Variants in SFXN5 observed in about 807,000 individuals in gnomAD.
SFXN5 encodes sideroflexin 5.
SFXN5 carries 43 observed loss-of-function variants against 50.2 expected under a neutral mutation model. The observed-to-expected ratio is 0.86, with a 90% CI of 0.67 to 1.11. SFXN5 has a LOEUF of 1.11. Ranked by LOEUF, SFXN5 falls within the 50% of genes least tolerant of loss-of-function variation. SFXN5 has a pLI of 0.00. For synonymous variants in SFXN5, 203 were observed against 185.8 expected (o/e 1.09, Z -0.75); for missense variants, 463 against 454.1 (o/e 1.02, Z -0.18).
In SFXN5 at chr2:73,023,267, A is replaced by G. The variant is rs72920429; in HGVS notation, c.250-53T>C. 0.018 allele frequency: 27,159 copies of G among 1,533,906 alleles called. 1,680 individuals carry two copies. In the African/African-American group the frequency reaches 0.21, roughly 12 times the overall value. On this transcript the variant is annotated intron_variant, in intron 3 of 13. Transcript: ENST00000272433. ...TAAAGAACAAAAATTAAAAGCATAT[A>G]TCGGTTTAAGGCTTCCAACCCATGT...
chr2:73,005,501 C>T (rs62147726), intron 6 of SFXN5, among the ~76,000 whole-genome samples: 22,679 of 152,182 alleles, frequency 0.15, 1,988 homozygotes, highest in East Asian at 0.36. Flanking sequence ...CAGTACCTCT[C>T]AGGATGGTTA....
chr2:72,950,454 G>A lies in SFXN5; in HGVS notation c.946-5355C>T, dbSNP rs1672411238. On this transcript the variant is annotated intron_variant, in intron 13 of 13. Transcript: ENST00000272433. The surrounding 1 kb of genome is among the most constrained non-coding windows in gnomAD (Gnocchi z 4.2). ...AGGACCCCTCCAGCTCTCTGGCCAT[G>A]GCCAGGTGTTGGGTCAGTGGCCACC... Among the ~76,000 whole-genome samples the A allele has an allele frequency of 6.6e-6, 1 of 152,206 alleles. No individual in the cohort carries two copies. Among genetic ancestry groups the A allele is most frequent in the Admixed American group, 6.5e-5 (1 of 15,290 alleles).
At chr2:72,990,155 G>A (rs1190733878) in intron 9 of SFXN5, among the ~76,000 whole-genome samples, 11 of 152,250 alleles carry the variant, frequency 7.2e-5, no homozygotes, top group Non-Finnish European at 1.3e-4. Context: ...CCGGGGCAGC[G>A]CAGCATTCCG....
At chr2:73,042,932 G>C (rs935929727) in intron 2 of SFXN5, among the ~76,000 whole-genome samples, 1 of 152,158 alleles carries the variant, frequency 6.6e-6, no homozygotes, top group African/African-American at 2.4e-5. Context: ...GCCAGGTGTG[G>C]TGGTGGGTGC....
intron 12 of SFXN5, among the ~76,000 whole-genome samples, chr2:72,962,555 T>C (rs1471008658): frequency 1.3e-5 from 2 of 152,200 alleles, no homozygotes; most frequent in African/African-American, 4.8e-5. Flanking sequence ...GAAATGTGCA[T>C]TTTAACCCTC....
intron 10 of SFXN5, among the ~76,000 whole-genome samples, chr2:72,977,025 C>T (rs369816321): frequency 6.6e-6 from 1 of 152,192 alleles, no homozygotes; most frequent in Non-Finnish European, 1.5e-5. Flanking sequence ...TAGGAAGAGG[C>T]ATGTGACCCG....
chr2:72,998,772 T>C, intron 9 of SFXN5, 177 bp downstream of exon 9: 1 of 641,004 alleles, frequency 1.6e-6, no homozygotes, highest in Admixed American at 2.8e-5. Context: ...CAGGTTGTGC[T>C]CTGTCTACTG....
In SFXN5 at chr2:73,000,429, A is replaced by C. The variant is rs1436079490; in HGVS notation, c.468+2T>G. On this transcript the variant is annotated splice_donor_variant, in intron 8 of 13. Coordinates refer to ENST00000272433, the MANE Select transcript of SFXN5 (RefSeq NM_144579.3). LOFTEE classifies it high-confidence loss of function. ...CACTGGGGAGAGGGCAGTGATGCTCACCTTGGTCGCATTGCGGTTTGCATA... is the reference window on the plus strand; with the variant it reads ...CACTGGGGAGAGGGCAGTGATGCTCCCCTTGGTCGCATTGCGGTTTGCATA... The C allele has an allele frequency of 6.4e-7, 1 of 1,556,482 alleles. No homozygotes were observed. The highest frequency in any genetic ancestry group is 1.9e-5 in the Admixed American group (1 of 51,544).
At chr2:72,958,364 C>T (rs948883356) in intron 13 of SFXN5, among the ~76,000 whole-genome samples, 5 of 152,148 alleles carry the variant, frequency 3.3e-5, no homozygotes, top group Admixed American at 6.5e-5. Context: ...CCTCTCCTAT[C>T]GGCACCTGAC....
intron 8 of SFXN5, 134 bp downstream of exon 8, chr2:73,000,297 T>G: frequency 1.2e-6 from 1 of 838,084 alleles, no homozygotes; most frequent in African/African-American, 1.7e-5. Context: ...GCTGGCATTT[T>G]AAATAAGATA....
chr2:73,054,955 C>G lies in SFXN5; in HGVS notation c.171+3573G>C, dbSNP rs541840352. ...GAGCCCAGGTAAGCAACTAAAATAC[C>G]TATGCCCTTTGTCCTTCTGAGATGC... On this transcript the variant is annotated intron_variant, in intron 2 of 13. Coordinates refer to ENST00000272433, the MANE Select transcript of SFXN5 (RefSeq NM_144579.3). 4.6e-5 allele frequency among the ~76,000 whole-genome samples: 7 copies of G among 152,340 alleles called. No individual in the cohort carries two copies. The South Asian group carries it at 1.2e-3, about 27-fold the overall frequency.
At chr2:73,022,612 G>C in intron 4 of SFXN5, 36 bp from the exon 5 acceptor site, 1 of 995,486 alleles carries the variant, frequency 1.0e-6, no homozygotes, top group Non-Finnish European at 1.6e-6. Context: ...GGGTGGGGAC[G>C]GGGGTGTAGG....
intron 6 of SFXN5, among the ~76,000 whole-genome samples, chr2:73,007,559 C>T (rs1674869153): frequency 6.6e-6 from 1 of 152,126 alleles, no homozygotes; most frequent in Non-Finnish European, 1.5e-5. Context: ...CAGCAAAAAG[C>T]TGTGGAAAGT....
At chr2:73,058,649 T>C in intron 1 of SFXN5, 53 bp from the exon 2 acceptor site, 1 of 1,552,632 alleles carries the variant, frequency 6.4e-7, no homozygotes, top group Non-Finnish European at 8.9e-7. Context: ...TGCACACCCT[T>C]CTCCAGACAC....
intron 12 of SFXN5, among the ~76,000 whole-genome samples, chr2:72,964,048 T>G (rs1360269782): frequency 1.3e-5 from 2 of 152,196 alleles, no homozygotes; most frequent in Admixed American, 1.3e-4. Context: ...CAACTGAGCA[T>G]GCTGAGCTCC....
At chr2:73,008,562 A>G (rs1334772997) in intron 6 of SFXN5, among the ~76,000 whole-genome samples, 1 of 152,232 alleles carries the variant, frequency 6.6e-6, no homozygotes, top group Admixed American at 6.5e-5. Context: ...ACCAGGGCCA[A>G]GCCGGGCCCT....
At chr2:72,988,608 CACACACACACAT>C (rs1559125318) in intron 9 of SFXN5, among the ~76,000 whole-genome samples, 1 of 152,158 alleles carries the variant, frequency 6.6e-6, no homozygotes, top group African/African-American at 2.4e-5. Context: ...GACATACACA[CACACACACACAT>C]ACACACACAT....
At chr2:72,990,886 G>T (rs1042321527) in intron 9 of SFXN5, among the ~76,000 whole-genome samples, 1 of 152,234 alleles carries the variant, frequency 6.6e-6, no homozygotes, top group Admixed American at 6.5e-5. Flanking sequence ...TGGGGCTGGG[G>T]TCCTAACGAG....
At chr2:72,958,223 C>G (rs913681318) in intron 13 of SFXN5, among the ~76,000 whole-genome samples, 7 of 152,314 alleles carry the variant, frequency 4.6e-5, no homozygotes, top group African/African-American at 1.7e-4. Context: ...GTGCAGCCCC[C>G]AGCTCCCTCT....
Sources: allele counts gnomAD v4.1 joint callset (sites outside exome capture counted in the v4.1 genomes callset), GRCh38; gene constraint gnomAD v4.1.1; non-coding constraint Gnocchi (gnomAD v3.1); transcripts MANE v1.5; gene names NCBI Gene and HGNC (gene_info 2026-07-23, HGNC 2026-07-21).